CNTN5: variants seen among roughly 807,000 people sequenced by gnomAD.
CNTN5 encodes the protein contactin-5.
Under a neutral mutation model 129.1 loss-of-function variants are expected in CNTN5, and 77 were observed. That is an observed-to-expected ratio of 0.60 (90% confidence interval 0.50 to 0.72). CNTN5 has a LOEUF of 0.72. CNTN5 is among the 30% of genes least tolerant of loss of function. The pLI is 0.00. For synonymous variants in CNTN5, 509 were observed against 465.6 expected (o/e 1.09, Z -1.20); for missense variants, 1,478 against 1,328.8 (o/e 1.11, Z -1.75).
chr11:99,971,315 C>T (rs1288058846), intron 8 of CNTN5, among the ~76,000 whole-genome samples: 2 of 152,018 alleles, frequency 1.3e-5, no homozygotes, highest in Non-Finnish European at 2.9e-5. Context: ...GAGGCCAGGG[C>T]AGGTGGATCA....
intron 2 of CNTN5, among the ~76,000 whole-genome samples, chr11:99,421,053 A>G (rs1942865822): frequency 6.6e-6 from 1 of 151,918 alleles, no homozygotes; most frequent in African/African-American, 2.4e-5. Flanking sequence ...TGTGTCTTTC[A>G]TCAGAAAGAG....
chr11:99,569,302 A>ATTATTTATTTAT (rs148620617), intron 3 of CNTN5, among the ~76,000 whole-genome samples: 10 of 150,238 alleles, frequency 6.7e-5, no homozygotes, highest in Non-Finnish European at 1.0e-4. Flanking sequence ...TTTTATTTTT[A>ATTATTTATTTAT]TTATTTATTT....
At chr11:99,463,966 A>C (rs1944836393) in intron 2 of CNTN5, among the ~76,000 whole-genome samples, 1 of 152,250 alleles carries the variant, frequency 6.6e-6, no homozygotes, top group Non-Finnish European at 1.5e-5. Flanking sequence ...GATCAAATAA[A>C]AAGTAAAACT....
At chr11:99,800,714 T>G (rs544620884) in intron 3 of CNTN5, among the ~76,000 whole-genome samples, 1 of 152,320 alleles carries the variant, frequency 6.6e-6, no homozygotes, top group African/African-American at 2.4e-5. Flanking sequence ...CTGCTGTTGG[T>G]TTAAAGTATG....
intron 2 of CNTN5, among the ~76,000 whole-genome samples, chr11:99,378,658 A>T (rs1940333101): frequency 6.6e-6 from 1 of 152,056 alleles, no homozygotes; most frequent in African/African-American, 2.4e-5. Flanking sequence ...ACTAATCAGC[A>T]CCTCTAGAAA....
chr11:100,100,059 T>G (rs532259476), intron 13 of CNTN5, among the ~76,000 whole-genome samples: 1 of 152,136 alleles, frequency 6.6e-6, no homozygotes, highest in Non-Finnish European at 1.5e-5. Flanking sequence ...ATTTTTATCT[T>G]TTCCGTTGGT....
chr11:100,040,599 G>C (rs1942319041), intron 9 of CNTN5, among the ~76,000 whole-genome samples: 1 of 152,212 alleles, frequency 6.6e-6, no homozygotes, highest in South Asian at 2.1e-4. Flanking sequence ...AGGCCTCCTT[G>C]AGCTGTGGTG....
intron 1 of CNTN5, among the ~76,000 whole-genome samples, chr11:99,189,389 C>G (rs1193665432): frequency 6.6e-6 from 1 of 151,498 alleles, no homozygotes; most frequent in Admixed American, 6.6e-5. Context: ...AATGATTTAT[C>G]TCTTTTAAAA....
chr11:99,384,256 A>G (rs1347235489), intron 2 of CNTN5, among the ~76,000 whole-genome samples: 1 of 152,156 alleles, frequency 6.6e-6, no homozygotes, highest in Non-Finnish European at 1.5e-5. Context: ...CTGTTTTCCT[A>G]ATGCCTTCAC....
chr11:99,334,880 T>C (rs938996185), intron 2 of CNTN5, among the ~76,000 whole-genome samples: 8 of 152,146 alleles, frequency 5.3e-5, no homozygotes, highest in Non-Finnish European at 1.2e-4. Context: ...ACATGAAATA[T>C]AGTTCTAATA....
intron 6 of CNTN5, among the ~76,000 whole-genome samples, chr11:99,889,370 C>T (rs1948996046): frequency 7.6e-6 from 1 of 131,814 alleles, no homozygotes; most frequent in Non-Finnish European, 1.6e-5. Flanking sequence ...ATATATCTCT[C>T]CATCATATAT....
At chr11:99,249,282 T>C (rs1304928626) in intron 1 of CNTN5, among the ~76,000 whole-genome samples, 1 of 152,130 alleles carries the variant, frequency 6.6e-6, no homozygotes, top group African/African-American at 2.4e-5. Context: ...GTTATTGGTG[T>C]ATAAGAATGC....
At chr11:99,932,395 G>T (rs186907212) in intron 7 of CNTN5, among the ~76,000 whole-genome samples, 1,718 of 152,134 alleles carry the variant, frequency 0.011, 123 homozygotes, top group Admixed American at 0.095. Flanking sequence ...GTTTCTCCAT[G>T]TTGGCCAGGG....
intron 17 of CNTN5, among the ~76,000 whole-genome samples, chr11:100,261,393 A>T (rs1334834039): frequency 3.9e-5 from 6 of 152,206 alleles, no homozygotes; most frequent in Non-Finnish European, 7.3e-5. Flanking sequence ...AATAGATTCA[A>T]TGCTCTCCTC....
At chr11:99,037,571 C>CTTTTCTT (rs1863800317) in intron 1 of CNTN5, among the ~76,000 whole-genome samples, 1 of 118,264 alleles carries the variant, frequency 8.5e-6, no homozygotes, top group African/African-American at 3.3e-5. Context: ...CTTCTTTTTT[C>CTTTTCTT]TTTTCTTTTT....
chr11:99,527,647 A>G (rs1947538784), intron 2 of CNTN5, among the ~76,000 whole-genome samples: 1 of 152,180 alleles, frequency 6.6e-6, no homozygotes, highest in Admixed American at 6.5e-5. Flanking sequence ...ATGAAGGCAT[A>G]TATCAATCAC....
At chr11:99,430,632 G>A (rs1205724007) in intron 2 of CNTN5, among the ~76,000 whole-genome samples, 1 of 151,786 alleles carries the variant, frequency 6.6e-6, no homozygotes, top group African/African-American at 2.4e-5. Context: ...CACACATGGA[G>A]AGAGAGCAAG....
chr11:99,296,768 A>G (rs748475275), intron 1 of CNTN5, among the ~76,000 whole-genome samples: 4 of 152,208 alleles, frequency 2.6e-5, no homozygotes, highest in Non-Finnish European at 5.9e-5. Flanking sequence ...TTTTAACCAT[A>G]GTACTCTTTA....
intron 3 of CNTN5, among the ~76,000 whole-genome samples, chr11:99,796,099 G>T (rs1196489750): frequency 2.0e-5 from 3 of 152,132 alleles, no homozygotes; most frequent in African/African-American, 4.8e-5. Context: ...CAGGGCCACT[G>T]GCATCTGTGC....
Sources: gnomAD v4.1 joint callset for allele counts (sites outside exome capture counted in the v4.1 genomes callset) on GRCh38, gnomAD v4.1.1 for gene constraint, MANE v1.5 for transcripts, NCBI Gene and HGNC (gene_info 2026-07-23, HGNC 2026-07-21) for gene names.